The following UBE4B variants were observed in gnomAD, a reference collection of about 807,000 sequenced individuals.
UBE4B encodes ubiquitin conjugation factor E4 B.
A neutral mutation model predicts 148.1 loss-of-function variants in UBE4B; 27 were observed. That is an observed-to-expected ratio of 0.18 (90% CI 0.13 to 0.25). The LOEUF is 0.25. Ranked by LOEUF, UBE4B falls within the 10% of genes least tolerant of loss-of-function variation. The pLI, the probability that UBE4B is intolerant of heterozygous loss-of-function variation, is 1.00. For synonymous variants in UBE4B, 596 were observed against 619.3 expected, an observed-to-expected ratio of 0.96 and a Z score of 0.56; for missense variants, 1,170 against 1,662.4, an observed-to-expected ratio of 0.70 and a Z score of 5.15.
chr1:10,064,239 A>G (rs1644342809), intron 1 of UBE4B, among the ~76,000 whole-genome samples: 1 of 152,188 alleles, frequency 6.6e-6, no homozygotes, highest in African/African-American at 2.4e-5. Context: ...TAGCATTTGT[A>G]TGTGGTTCGA....
chr1:10,062,899 T>C (rs1341040248), intron 1 of UBE4B, among the ~76,000 whole-genome samples: 1 of 147,348 alleles, frequency 6.8e-6, no homozygotes, highest in Non-Finnish European at 1.5e-5. Context: ...GAGGTTGCAG[T>C]GATCCGAGAT....
At position 10,168,150 on chromosome 1, in the gene UBE4B, T is replaced by C. The variant is rs200094600; in HGVS notation, c.3213T>C (p.Ala1071=). The C allele has an allele frequency of 4.7e-5, 76 of 1,613,984 alleles. No individual in the cohort carries two copies. The highest frequency in any genetic ancestry group is 6.8e-6 in the Non-Finnish European group (8 of 1,180,038). ...ATGTGTCCTAGGATCAGCAGCAGGC[T>C]CGTCAGTCTCAGCTTGCTCAGGATG... ...WDQLPRDQQQ[A]RQSQLAQDER... Residue 1071 remains alanine (A), a synonymous_variant, in exon 24 of 28, where the codon GCT becomes GCC. Transcript: ENST00000343090. The surrounding 1 kb of genome is among the most constrained non-coding windows in gnomAD (Gnocchi z 4.9).
rs202048066 is a variant in UBE4B, at chr1:10,179,975, C to G, written c.*19C>G. 1 of 1,614,072 alleles carries G rather than the reference C, an allele frequency of 6.2e-7. No individual in the cohort carries two copies. Among genetic ancestry groups the G allele is most frequent in the Non-Finnish European group, 8.5e-7 (1 of 1,180,020 alleles). ...TCACTAAACCGTTCCGCCGCCCACC[C>G]TCTGCTAGACACAGCCAAGGCCAAC... On this transcript the variant is annotated 3_prime_UTR_variant, in exon 28 of 28. Coordinates refer to ENST00000343090, the MANE Select transcript of UBE4B (RefSeq NM_001105562.3).
intron 23 of UBE4B, among the ~76,000 whole-genome samples, chr1:10,165,168 T>C (rs1646228013): frequency 6.6e-6 from 1 of 152,188 alleles, no homozygotes; most frequent in Admixed American, 6.6e-5. Context: ...TCAAACTCAC[T>C]GTGTCCAAAA....
intron 7 of UBE4B, among the ~76,000 whole-genome samples, chr1:10,115,687 C>G (rs1023219032): frequency 3.9e-5 from 6 of 152,118 alleles, no homozygotes; most frequent in Non-Finnish European, 8.8e-5. Context: ...AGAAATGGAT[C>G]GTTAGGCAGA....
At position 10,161,220 on chromosome 1, in the gene UBE4B, T is replaced by A; in HGVS notation, c.3132T>A (p.Ser1044=). 1 of 1,614,146 alleles carries A rather than the reference T, an allele frequency of 6.2e-7. No individual in the cohort carries two copies. The highest frequency in any genetic ancestry group is 8.5e-7 in the Non-Finnish European group (1 of 1,180,030). Residue 1044 remains serine, a synonymous_variant, in exon 23 of 28, where the codon TCT becomes TCA. Coordinates refer to ENST00000343090, the MANE Select transcript of UBE4B (RefSeq NM_001105562.3). This position sits in a 1 kb window ranked among gnomAD's most constrained non-coding sequence, Gnocchi z 4.1. ...TTFLLDESLE[S]LKRIHEVQEE... ...TTTTGCTCGATGAAAGTCTGGAGTCTCTGAAGCGAATCCATGAAGTGCAGG... is the reference window on the plus strand; with the variant it reads ...TTTTGCTCGATGAAAGTCTGGAGTCACTGAAGCGAATCCATGAAGTGCAGG...
chr1:10,135,685 A>G (rs1187627900), intron 16 of UBE4B, among the ~76,000 whole-genome samples: 1 of 143,940 alleles, frequency 6.9e-6, no homozygotes, highest in Non-Finnish European at 1.5e-5. Context: ...GCAGTGAGCC[A>G]TGATCACGGC....
rs1189924817 is a variant in UBE4B, at chr1:10,105,572, T to C, written c.637T>C (p.Ser213Pro). 1 of 1,614,174 alleles carries C rather than the reference T, an allele frequency of 6.2e-7. No homozygotes were observed. The highest frequency in any genetic ancestry group is 1.1e-5 in the South Asian group (1 of 91,078). ...GQILMEVLMMSTQTRDENPFA... is the reference protein window; with the variant it reads ...GQILMEVLMMPTQTRDENPFA... ...GATTTTAATGGAAGTGCTAATGATGTCCACTCAGACCAGAGATGAAAACCC... is the reference window on the plus strand; with the variant it reads ...GATTTTAATGGAAGTGCTAATGATGCCCACTCAGACCAGAGATGAAAACCC... Residue 213 changes from serine to proline, a missense_variant, in exon 6 of 28, where the codon TCC becomes CCC. By Grantham distance (74) the Ser-to-Pro change is moderately conservative. Around this residue, in one of 6 missense-constraint regions of UBE4B, gnomAD observed 91 missense variants for 120.5 expected, o/e 0.76. Transcript: ENST00000343090.
intron 5 of UBE4B, among the ~76,000 whole-genome samples, chr1:10,104,731 T>G (rs1471507112): frequency 2.6e-5 from 4 of 152,220 alleles, no homozygotes; most frequent in Non-Finnish European, 5.9e-5. Flanking sequence ...AAATCTGTCT[T>G]ACACATGTAA....
At chr1:10,170,385 A>G (rs2102030040) in intron 24 of UBE4B, among the ~76,000 whole-genome samples, 1 of 152,312 alleles carries the variant, frequency 6.6e-6, no homozygotes, top group East Asian at 1.9e-4. Context: ...TCCAGTTATT[A>G]CATTTCATGA....
chr1:10,151,665 T>C (rs993714766), intron 21 of UBE4B, 104 bp downstream of exon 21: 10 of 961,670 alleles, frequency 1.0e-5, no homozygotes, highest in Non-Finnish European at 1.4e-5. Flanking sequence ...AATATCCTGC[T>C]ACCTGTGTGT....
rs927768756 is a variant in UBE4B at position 10,076,301 on chromosome 1, A to G, written c.211+4087A>G. On this transcript the variant is annotated intron_variant, in intron 2 of 27. Transcript: ENST00000343090. ...ACTCTGTTGCCTAGGCTGGAGTGCAATGACGTGATCTTGGCTCACTGTAAC... is the reference window on the plus strand; with the variant it reads ...ACTCTGTTGCCTAGGCTGGAGTGCAGTGACGTGATCTTGGCTCACTGTAAC... 6.0e-5 allele frequency among the ~76,000 whole-genome samples: 9 copies of G among 150,004 alleles called. No individual in the cohort carries two copies. In the East Asian group the frequency reaches 7.9e-4, roughly 13 times the overall value.
At chr1:10,064,331 A>G (rs1447515899) in intron 1 of UBE4B, among the ~76,000 whole-genome samples, 3 of 152,232 alleles carry the variant, frequency 2.0e-5, no homozygotes, top group Non-Finnish European at 2.9e-5. Flanking sequence ...CTGAAAACCT[A>G]ATATAAGATG....
intron 7 of UBE4B, among the ~76,000 whole-genome samples, chr1:10,108,496 T>G (rs1645159824): frequency 6.6e-6 from 1 of 152,162 alleles, no homozygotes; most frequent in South Asian, 2.1e-4. Context: ...AATAGCACCT[T>G]CTTTCTAATC....
chr1:10,071,476 T>C (rs916622211), intron 1 of UBE4B, among the ~76,000 whole-genome samples: 2 of 152,086 alleles, frequency 1.3e-5, no homozygotes, highest in African/African-American at 4.8e-5. Context: ...TAGTGTTAGA[T>C]ACTTAGGAGG....
chr1:10,118,561 A>G (rs1645354311), intron 8 of UBE4B, among the ~76,000 whole-genome samples: 1 of 148,972 alleles, frequency 6.7e-6, no homozygotes, highest in South Asian at 2.1e-4. Context: ...CTGGAGTACA[A>G]TGGCACAATC....
chr1:10,120,159 C>T (rs1273169004), intron 9 of UBE4B, among the ~76,000 whole-genome samples: 1 of 152,030 alleles, frequency 6.6e-6, no homozygotes, highest in Non-Finnish European at 1.5e-5. Flanking sequence ...CTAAAGGTAG[C>T]AAGTTTTTAA....
At chr1:10,046,305 T>C (rs1261215991) in intron 1 of UBE4B, among the ~76,000 whole-genome samples, 1 of 152,202 alleles carries the variant, frequency 6.6e-6, no homozygotes. Flanking sequence ...TATGCCTTTC[T>C]TTCCAAACCC....
Position 10,058,145 on chromosome 1 carries a change from A to G in UBE4B, c.25-13883A>G, listed in dbSNP as rs139731247. 2.0e-5 allele frequency among the ~76,000 whole-genome samples: 3 copies of G among 152,262 alleles called. No homozygotes were observed. The East Asian group carries it at 5.8e-4, about 29-fold the overall frequency. ...TGTAGCGGAGTGCTTGGGTAAAAGC[A>G]CTAGATACTTTAGGGTTTTGATTTG... On this transcript the variant is annotated intron_variant, in intron 1 of 27. Coordinates refer to ENST00000343090, the MANE Select transcript of UBE4B (RefSeq NM_001105562.3).
Sources: gnomAD v4.1 joint callset for allele counts (sites outside exome capture counted in the v4.1 genomes callset) on GRCh38, gnomAD v4.1.1 for gene constraint, gnomAD v4.1.1 regional missense constraint, Gnocchi (gnomAD v3.1) non-coding constraint, MANE v1.5 for transcripts, NCBI Gene and HGNC (gene_info 2026-07-23, HGNC 2026-07-21) for gene names.